Variants in ADGRB3 observed in about 807,000 individuals in gnomAD.
ADGRB3 encodes the protein adhesion G protein-coupled receptor B3, also known as brain-specific angiogenesis inhibitor 3.
A neutral mutation model predicts 193.4 loss-of-function variants in ADGRB3; 37 were observed. That is an observed-to-expected ratio of 0.19 (90% CI 0.15 to 0.25). The LOEUF is 0.25. Among genes scored for constraint, ADGRB3 ranks in the 10% least tolerant of loss-of-function variants. The pLI is 1.00. For synonymous variants in ADGRB3, 690 were observed against 644.2 expected (o/e 1.07, Z -1.08); for missense variants, 1,637 against 1,852.9 (o/e 0.88, Z 2.14).
chr6:68,646,643 T>C (rs1768222968), intron 3 of ADGRB3, among the ~76,000 whole-genome samples: 1 of 152,200 alleles, frequency 6.6e-6, no homozygotes, highest in Non-Finnish European at 1.5e-5. Context: ...AACTTGTGTA[T>C]ACAGGACTGG....
chr6:69,270,458 T>TAAGA (rs2127278876), intron 20 of ADGRB3, among the ~76,000 whole-genome samples: 1 of 152,278 alleles, frequency 6.6e-6, no homozygotes, highest in East Asian at 1.9e-4. Context: ...ATTTTAACTA[T>TAAGA]AAGACTTACC....
At chr6:68,988,433 G>C (rs1368004622) in intron 10 of ADGRB3, among the ~76,000 whole-genome samples, 1 of 152,152 alleles carries the variant, frequency 6.6e-6, no homozygotes, top group Non-Finnish European at 1.5e-5. Flanking sequence ...GCAGGGAGAA[G>C]TGGTGAGAAA....
At chr6:68,782,004 G>C (rs906423591) in intron 3 of ADGRB3, among the ~76,000 whole-genome samples, 1 of 151,722 alleles carries the variant, frequency 6.6e-6, no homozygotes, top group Non-Finnish European at 1.5e-5. Flanking sequence ...AAGTTTTAGG[G>C]TACATGTGCA....
Position 68,936,652 on chromosome 6 carries a change from G to C in ADGRB3, c.1002G>C (p.Arg334Ser), listed in dbSNP as rs953278603. ...GCAGCGGCCCATTAAGAGAATCAAG[G>C]GTTTGCAATAACACTGCCCTCTGTC... is the stretch of plus-strand genomic sequence containing the variant. Reference protein sequence around the residue: ...THCSGPLRESRVCNNTALCPV... With the variant: ...THCSGPLRESSVCNNTALCPV... The change falls in exon 5 of 32, where the codon AGG (arginine) becomes AGC (serine). Residue 334 changes from arginine (R) to serine (S), a missense_variant. Arg to Ser is a moderately radical substitution (Grantham distance 110). This residue lies in a region of ADGRB3 where 365 missense variants were observed against 409.8 expected (regional missense o/e 0.89). Transcript: ENST00000370598. The C allele has an allele frequency of 6.5e-5, 105 of 1,613,454 alleles. No homozygotes were observed. The highest frequency in any genetic ancestry group is 8.7e-5 in the Non-Finnish European group (103 of 1,179,868).
intron 15 of ADGRB3, among the ~76,000 whole-genome samples, chr6:69,050,023 C>T (rs913381458): frequency 2.0e-5 from 3 of 152,144 alleles, no homozygotes; most frequent in South Asian, 2.1e-4. Flanking sequence ...TCATAGTGAC[C>T]TGTTTCTCCA....
chr6:69,339,657 A>G (rs77327696), intron 26 of ADGRB3, among the ~76,000 whole-genome samples, 153 bp downstream of exon 26: 5,046 of 152,304 alleles, frequency 0.033, 276 homozygotes, highest in African/African-American at 0.11. Context: ...ATGCTTTAAG[A>G]CACAGCTTGG....
At chr6:68,780,686 G>A (rs892497629) in intron 3 of ADGRB3, among the ~76,000 whole-genome samples, 1 of 151,692 alleles carries the variant, frequency 6.6e-6, no homozygotes, top group African/African-American at 2.4e-5. Context: ...AAGCACAAGG[G>A]TTTTTTTTAA....
At chr6:69,248,202 T>C (rs1766540973) in intron 20 of ADGRB3, among the ~76,000 whole-genome samples, 1 of 152,184 alleles carries the variant, frequency 6.6e-6, no homozygotes, top group Non-Finnish European at 1.5e-5. Context: ...TATGAACTGG[T>C]CAGAAGTTTG....
chr6:68,904,952 A>G (rs1233317309), intron 3 of ADGRB3, among the ~76,000 whole-genome samples: 2 of 152,176 alleles, frequency 1.3e-5, no homozygotes, highest in Non-Finnish European at 2.9e-5. Context: ...TTAATTTAAC[A>G]TGGAGCATGT....
chr6:69,107,572 T>A (rs990234215), intron 17 of ADGRB3, among the ~76,000 whole-genome samples: 1 of 152,144 alleles, frequency 6.6e-6, no homozygotes, highest in Non-Finnish European at 1.5e-5. Context: ...CATGTATTTT[T>A]AAAAAATCAC....
At chr6:68,797,224 C>T (rs553617813) in intron 3 of ADGRB3, among the ~76,000 whole-genome samples, 8 of 152,218 alleles carry the variant, frequency 5.3e-5, no homozygotes, top group East Asian at 1.9e-4. Flanking sequence ...GAGGAGAACA[C>T]GACTCCTGCC....
At chr6:69,072,245 G>C (rs946616664) in intron 16 of ADGRB3, among the ~76,000 whole-genome samples, 3 of 152,118 alleles carry the variant, frequency 2.0e-5, no homozygotes, top group African/African-American at 7.2e-5. Flanking sequence ...CCCAGAATGT[G>C]TAGTGAAACT....
At chr6:68,688,819 T>C (rs983697958) in intron 3 of ADGRB3, among the ~76,000 whole-genome samples, 1 of 152,196 alleles carries the variant, frequency 6.6e-6, no homozygotes, top group Non-Finnish European at 1.5e-5. Context: ...GAACGCACCT[T>C]TAACAACAGA....
chr6:69,048,477 C>A, intron 14 of ADGRB3, 143 bp downstream of exon 14: 2 of 897,668 alleles, frequency 2.2e-6, no homozygotes, highest in Non-Finnish European at 3.3e-6. Context: ...TAAATATGGA[C>A]AACTTATTCT....
chr6:69,015,253 A>G (rs970319495), intron 12 of ADGRB3, among the ~76,000 whole-genome samples: 4 of 152,018 alleles, frequency 2.6e-5, no homozygotes, highest in South Asian at 2.1e-4. Flanking sequence ...CAAGACTGCA[A>G]TTTATCAGAT....
chr6:69,007,845 A>G (rs1432497593), intron 11 of ADGRB3, among the ~76,000 whole-genome samples: 1 of 152,124 alleles, frequency 6.6e-6, no homozygotes, highest in Non-Finnish European at 1.5e-5. Flanking sequence ...ACGAATAAAA[A>G]TATATTTCCC....
intron 13 of ADGRB3, among the ~76,000 whole-genome samples, chr6:69,035,709 G>T (rs1040070341): frequency 6.6e-5 from 10 of 152,182 alleles, no homozygotes; most frequent in Non-Finnish European, 1.5e-4. Context: ...ATAGTGAGTT[G>T]TTTTAATTTA....
chr6:69,250,915 C>A (rs985225346), intron 20 of ADGRB3, among the ~76,000 whole-genome samples: 11 of 152,156 alleles, frequency 7.2e-5, no homozygotes, highest in African/African-American at 2.7e-4. Context: ...AAATCCAAAC[C>A]ACATAATATG....
chr6:69,172,367 G>A (rs927461624), intron 17 of ADGRB3, among the ~76,000 whole-genome samples: 1 of 152,040 alleles, frequency 6.6e-6, no homozygotes, highest in African/African-American at 2.4e-5. Context: ...AAACAGGCCA[G>A]GCGCAGTGGC....
Sources: gnomAD v4.1 joint callset for allele counts (sites outside exome capture counted in the v4.1 genomes callset) on GRCh38, gnomAD v4.1.1 for gene constraint, gnomAD v4.1.1 regional missense constraint, MANE v1.5 for transcripts, NCBI Gene and HGNC (gene_info 2026-07-23, HGNC 2026-07-21) for gene names.